The following FOXO3 variants were observed in gnomAD, a reference collection of about 807,000 sequenced individuals.
The protein encoded by FOXO3 is forkhead box O3, also known as forkhead box protein O3.
A neutral mutation model predicts 41.9 loss-of-function variants in FOXO3; 4 were observed. The observed-to-expected ratio is 0.10, with a 90% CI of 0.05 to 0.22. The LOEUF is 0.22. Ranked by LOEUF, FOXO3 falls within the 10% of genes least tolerant of loss-of-function variation. The pLI, the probability that FOXO3 is intolerant of heterozygous loss-of-function variation, is 1.00. For missense variants in FOXO3, 534 were observed against 906.8 expected (o/e 0.59, Z 5.28); for synonymous variants, 318 against 389.3 (o/e 0.82, Z 2.16).
chr6:108,669,532 C>T (rs778211435), intron 2 of FOXO3, among the ~76,000 whole-genome samples: 2 of 152,038 alleles, frequency 1.3e-5, no homozygotes, highest in Non-Finnish European at 2.9e-5. Context: ...CTATAGTCTT[C>T]GGTTATAGTA....
At chr6:108,627,934 C>G (rs148949713) in intron 1 of FOXO3, among the ~76,000 whole-genome samples, 4 of 152,194 alleles carry the variant, frequency 2.6e-5, no homozygotes, top group African/African-American at 7.2e-5. Context: ...TTAAATGAGT[C>G]AGTATATGCA....
At chr6:108,634,407 C>T (rs897794692) in intron 1 of FOXO3, among the ~76,000 whole-genome samples, 1 of 152,092 alleles carries the variant, frequency 6.6e-6, no homozygotes, top group African/African-American at 2.4e-5. Context: ...GGGATGATGA[C>T]CCCCTTCCCT....
At chr6:108,560,848 G>C (rs544993831), upstream of FOXO3, 23 of 648,084 alleles carry the variant, frequency 3.5e-5, no homozygotes, top group Admixed American at 9.0e-5. Context: ...CTGGGCGGCG[G>C]GGGGAGGGGG....
chr6:108,637,329 A>C (rs1489519966), intron 1 of FOXO3, among the ~76,000 whole-genome samples: 1 of 152,152 alleles, frequency 6.6e-6, no homozygotes, highest in Non-Finnish European at 1.5e-5. Context: ...ACAATACAGA[A>C]CACAAAGCCA....
At chr6:108,618,137 T>A in intron 1 of FOXO3, 3 of 938,400 alleles carry the variant, frequency 3.2e-6, no homozygotes, top group Non-Finnish European at 5.3e-6. Context: ...GGACAATCCC[T>A]GTCATTCACA....
intron 1 of FOXO3, among the ~76,000 whole-genome samples, chr6:108,606,862 G>T (rs184117293): frequency 2.4e-4 from 37 of 152,290 alleles, no homozygotes; most frequent in Non-Finnish European, 3.8e-4. Flanking sequence ...GTGACAGGAG[G>T]GGGTGAGGAT....
intron 1 of FOXO3, among the ~76,000 whole-genome samples, chr6:108,578,885 A>G (rs1332728127): frequency 6.6e-6 from 1 of 152,182 alleles, no homozygotes; most frequent in African/African-American, 2.4e-5. Flanking sequence ...GGATCCTAAA[A>G]GGCGCACGAC....
chr6:108,588,534 A>G (rs370462528), intron 1 of FOXO3, among the ~76,000 whole-genome samples: 1 of 152,244 alleles, frequency 6.6e-6, no homozygotes, highest in East Asian at 1.9e-4. Context: ...GCGTGCAGAC[A>G]CACAGACCAT....
intron 1 of FOXO3, among the ~76,000 whole-genome samples, chr6:108,600,447 T>G (rs893220323): frequency 1.4e-5 from 2 of 147,092 alleles, no homozygotes; most frequent in Admixed American, 7.1e-5. Context: ...CTCCGGAGAC[T>G]GAGGCAGGAG....
In FOXO3 at chr6:108,617,394, T is replaced by G. The variant is rs539440306; in HGVS notation, c.622-46061T>G. Among the ~76,000 whole-genome samples, 8 of 151,860 alleles carry G rather than the reference T, an allele frequency of 5.3e-5. No individual in the cohort carries two copies. In the South Asian group the frequency reaches 1.7e-3, roughly 31 times the overall value. On this transcript the variant is annotated intron_variant, in intron 1 of 2. Transcript: ENST00000406360. ...CCAGGCATTGTGAATTTTACATAGT[T>G]TTTTTTTCATATTAAACAAGAAGTT...
chr6:108,618,838 C>T (rs1777589298), intron 1 of FOXO3, among the ~76,000 whole-genome samples: 1 of 152,164 alleles, frequency 6.6e-6, no homozygotes, highest in Non-Finnish European at 1.5e-5. Context: ...GTGTTCTGCC[C>T]TTCCAATTCT....
chr6:108,579,929 G>A (rs1399391424), intron 1 of FOXO3, among the ~76,000 whole-genome samples: 5 of 152,126 alleles, frequency 3.3e-5, no homozygotes, highest in African/African-American at 1.2e-4. Flanking sequence ...GTTTTGAGAC[G>A]GTCGGTGTCC....
intron 1 of FOXO3, among the ~76,000 whole-genome samples, chr6:108,660,802 C>T (rs538820188): frequency 1.3e-5 from 2 of 152,102 alleles, no homozygotes; most frequent in East Asian, 1.9e-4. Context: ...GTCAGGAGAT[C>T]GAGACCATCC....
chr6:108,665,018 T>C, intron 2 of FOXO3, 129 bp downstream of exon 2: 3 of 1,025,600 alleles, frequency 2.9e-6, no homozygotes, highest in Non-Finnish European at 4.2e-6. Context: ...GTGCACATAA[T>C]ATGGCTCCCA....
intron 1 of FOXO3, among the ~76,000 whole-genome samples, chr6:108,590,435 C>T (rs2128362821): frequency 6.6e-6 from 1 of 152,272 alleles, no homozygotes; most frequent in African/African-American, 2.4e-5. Flanking sequence ...TAAGGGGTTG[C>T]AGTCAAAACT....
intron 1 of FOXO3, among the ~76,000 whole-genome samples, chr6:108,658,321 A>C (rs1778747698): frequency 6.6e-6 from 1 of 152,094 alleles, no homozygotes; most frequent in Admixed American, 6.6e-5. Context: ...GGACTGTGAG[A>C]ATGATGGTGG....
intron 1 of FOXO3, among the ~76,000 whole-genome samples, chr6:108,578,245 T>C (rs1776316342): frequency 6.6e-6 from 1 of 152,188 alleles, no homozygotes; most frequent in South Asian, 2.1e-4. Flanking sequence ...CAGAAACTCT[T>C]TAACAAGCCC....
At chr6:108,665,012 A>G in intron 2 of FOXO3, 123 bp downstream of exon 2, 4 of 1,068,414 alleles carry the variant, frequency 3.7e-6, no homozygotes, top group Non-Finnish European at 5.3e-6. Flanking sequence ...GCAGTGGTGC[A>G]CATAATATGG....
At chr6:108,679,582 G>T (rs950472390) in intron 2 of FOXO3, among the ~76,000 whole-genome samples, 23 of 152,128 alleles carry the variant, frequency 1.5e-4, no homozygotes, top group African/African-American at 5.5e-4. Context: ...CATTCCCTTT[G>T]GGCTTTTCAA....
Sources: gnomAD v4.1 joint callset for allele counts (sites outside exome capture counted in the v4.1 genomes callset) on GRCh38, gnomAD v4.1.1 for gene constraint, MANE v1.5 for transcripts, NCBI Gene and HGNC (gene_info 2026-07-23, HGNC 2026-07-21) for gene names.